NKAIN2: variants seen among roughly 807,000 people sequenced by gnomAD.
NKAIN2 encodes the protein sodium/potassium-transporting ATPase subunit beta-1-interacting protein 2.
In NKAIN2, 14 loss-of-function variants were observed where a neutral mutation model predicts 32.6. That is an observed-to-expected ratio of 0.43 (90% CI 0.28 to 0.67). The LOEUF (loss-of-function observed/expected upper bound fraction) is 0.67, where lower values mean the gene tolerates loss of function less well. Ranked by LOEUF, NKAIN2 falls within the 30% of genes least tolerant of loss-of-function variation. The pLI, the probability that NKAIN2 is intolerant of heterozygous loss-of-function variation, is 0.17. For missense variants in NKAIN2, 198 were observed against 258.3 expected (o/e 0.77, Z 1.60); for synonymous variants, 80 against 87.2 (o/e 0.92, Z 0.46).
rs1384731519 is a variant in NKAIN2 at position 124,411,587 on chromosome 6, T to C, written c.273+56240T>C. Among the ~76,000 whole-genome samples the C allele has an allele frequency of 3.9e-5, 6 of 152,374 alleles. No individual in the cohort carries two copies. In the South Asian group the frequency reaches 8.3e-4, roughly 21 times the overall value. The stretch of plus-strand genomic sequence containing the variant: ...GATGGGCTTCCTTTTGTGGGTAACC[T>C]GACCTTTCTCTCTGGCTGCCCTTAA... On this transcript the variant is annotated intron_variant, in intron 3 of 6. Coordinates refer to ENST00000368417, the MANE Select transcript of NKAIN2 (RefSeq NM_001040214.3).
chr6:124,819,445 C>T (rs1582579783), intron 6 of NKAIN2, among the ~76,000 whole-genome samples: 3 of 152,256 alleles, frequency 2.0e-5, no homozygotes, highest in Non-Finnish European at 1.5e-5. Context: ...GCTAATAGCA[C>T]CCATAAAACA....
chr6:124,451,402 G>T (rs958186634), intron 3 of NKAIN2, among the ~76,000 whole-genome samples: 4 of 152,110 alleles, frequency 2.6e-5, no homozygotes, highest in African/African-American at 9.7e-5. Context: ...TTCTGAGGAA[G>T]AATTACTTAT....
chr6:124,504,303 A>G (rs972325671), intron 3 of NKAIN2, among the ~76,000 whole-genome samples: 5 of 152,052 alleles, frequency 3.3e-5, no homozygotes, highest in Non-Finnish European at 4.4e-5. Context: ...GATGTTTTTA[A>G]CCTTATTAAA....
intron 4 of NKAIN2, among the ~76,000 whole-genome samples, chr6:124,731,322 C>A (rs2114664136): frequency 6.6e-6 from 1 of 151,478 alleles, no homozygotes; most frequent in Admixed American, 6.6e-5. Flanking sequence ...AAATGTCCAA[C>A]AATGATAGAC....
intron 3 of NKAIN2, among the ~76,000 whole-genome samples, chr6:124,634,429 T>G (rs552563282): frequency 1.2e-4 from 18 of 152,172 alleles, no homozygotes; most frequent in African/African-American, 4.3e-4. Context: ...ACAGAAATCA[T>G]ATTTGAAGAT....
chr6:124,291,286 T>TTTA (rs140872505), intron 2 of NKAIN2, among the ~76,000 whole-genome samples: 44,988 of 151,854 alleles, frequency 0.3, 9,166 homozygotes, highest in African/African-American at 0.58. Flanking sequence ...AGATATTCAT[T>TTTA]TTATTATTGT....
At chr6:123,937,917 T>A (rs566986465) in intron 1 of NKAIN2, among the ~76,000 whole-genome samples, 1 of 144,592 alleles carries the variant, frequency 6.9e-6, no homozygotes, top group East Asian at 2.1e-4. Flanking sequence ...GTGTTTGTTT[T>A]CATTATGAAT....
intron 4 of NKAIN2, among the ~76,000 whole-genome samples, chr6:124,775,967 A>G (rs1384092917): frequency 1.3e-5 from 2 of 152,200 alleles, no homozygotes; most frequent in Non-Finnish European, 2.9e-5. Flanking sequence ...ATTGTACAGC[A>G]TAAGAGGATC....
At chr6:124,559,352 T>C (rs1449825247) in intron 3 of NKAIN2, among the ~76,000 whole-genome samples, 1 of 152,178 alleles carries the variant, frequency 6.6e-6, no homozygotes, top group African/African-American at 2.4e-5. Flanking sequence ...TAGCTGAGTT[T>C]TGAGTGGACA....
At chr6:124,771,551 G>T (rs914162985) in intron 4 of NKAIN2, among the ~76,000 whole-genome samples, 1 of 152,134 alleles carries the variant, frequency 6.6e-6, no homozygotes, top group Non-Finnish European at 1.5e-5. Context: ...TTTGCTGAGG[G>T]ACAACAGTAG....
chr6:124,034,650 TA>T (rs1414933011), intron 1 of NKAIN2, among the ~76,000 whole-genome samples: 1 of 152,122 alleles, frequency 6.6e-6, no homozygotes, highest in East Asian at 1.9e-4. Flanking sequence ...GTGAGATTGC[TA>T]GGTCTAATGG....
chr6:123,899,760 G>A (rs1774465798), intron 1 of NKAIN2, among the ~76,000 whole-genome samples: 1 of 152,132 alleles, frequency 6.6e-6, no homozygotes, highest in African/African-American at 2.4e-5. Context: ...ATTGTGACTT[G>A]TGTGTCTTTA....
chr6:124,498,687 A>G (rs1224235472), intron 3 of NKAIN2, among the ~76,000 whole-genome samples: 2 of 151,962 alleles, frequency 1.3e-5, no homozygotes, highest in African/African-American at 4.8e-5. Context: ...TTGGTGAAAG[A>G]TTTTTCTATT....
intron 1 of NKAIN2, among the ~76,000 whole-genome samples, chr6:123,960,582 T>G (rs1269677832): frequency 6.6e-6 from 1 of 151,952 alleles, no homozygotes; most frequent in Non-Finnish European, 1.5e-5. Flanking sequence ...GCAGCCCTCC[T>G]AAGATGGCCT....
intron 1 of NKAIN2, among the ~76,000 whole-genome samples, chr6:124,279,067 T>C (rs1281060402): frequency 4.6e-5 from 7 of 152,134 alleles, no homozygotes; most frequent in Non-Finnish European, 1.0e-4. Context: ...TGAAAAATTT[T>C]TACACATACA....
intron 1 of NKAIN2, among the ~76,000 whole-genome samples, chr6:124,049,678 C>G (rs1562328776): frequency 6.6e-6 from 1 of 152,048 alleles, no homozygotes; most frequent in Non-Finnish European, 1.5e-5. Flanking sequence ...AAATCTCACA[C>G]CATTCCACTC....
chr6:124,173,338 A>G (rs1788990714), intron 1 of NKAIN2, among the ~76,000 whole-genome samples: 1 of 152,072 alleles, frequency 6.6e-6, no homozygotes, highest in South Asian at 2.1e-4. Context: ...TTAGTACGTG[A>G]TTGGGAGTTT....
At chr6:124,687,773 CACACACACAT>C (rs1183282598) in intron 4 of NKAIN2, among the ~76,000 whole-genome samples, 23 of 144,592 alleles carry the variant, frequency 1.6e-4, no homozygotes, top group East Asian at 4.0e-4. Context: ...CACACACACA[CACACACACAT>C]ACTGTTCTAT....
At chr6:124,767,618 A>G (rs1259206700) in intron 4 of NKAIN2, among the ~76,000 whole-genome samples, 1 of 152,154 alleles carries the variant, frequency 6.6e-6, no homozygotes, top group Non-Finnish European at 1.5e-5. Flanking sequence ...TTGGGACCTC[A>G]TAAGCACGTA....
Sources: gnomAD v4.1 joint callset for allele counts (sites outside exome capture counted in the v4.1 genomes callset) on GRCh38, gnomAD v4.1.1 for gene constraint, MANE v1.5 for transcripts, NCBI Gene and HGNC (gene_info 2026-07-23, HGNC 2026-07-21) for gene names.